The following AGPS variants were observed in gnomAD, a reference collection of about 807,000 sequenced individuals.
The protein encoded by AGPS is alkyldihydroxyacetonephosphate synthase, peroxisomal.
In AGPS, 26 loss-of-function variants were observed where a neutral mutation model predicts 90.7. The observed-to-expected ratio is 0.29, with a 90% confidence interval of 0.21 to 0.40. The LOEUF is 0.40. AGPS is among the 10% of genes least tolerant of loss of function. AGPS has a pLI of 1.00. For missense variants in AGPS, 540 were observed against 816.1 expected (o/e 0.66, Z 4.12); for synonymous variants, 294 against 285.3 (o/e 1.03, Z -0.31).
At chr2:177,499,538 G>A in intron 13 of AGPS, 80 bp from the exon 14 acceptor site, 2 of 990,282 alleles carry the variant, frequency 2.0e-6, no homozygotes, top group Non-Finnish European at 3.1e-6. Context: ...AGATCAGAAG[G>A]AAAAGAGCAA....
intron 2 of AGPS, among the ~76,000 whole-genome samples, chr2:177,426,913 T>C (rs57273542): frequency 0.11 from 17,014 of 152,126 alleles, 1,219 homozygotes; most frequent in East Asian, 0.34. Context: ...GTCCCTCCTT[T>C]TCAATTTAGT....
chr2:177,400,872 A>G (rs765156460), intron 1 of AGPS, among the ~76,000 whole-genome samples: 25 of 152,188 alleles, frequency 1.6e-4, no homozygotes, highest in Non-Finnish European at 3.2e-4. Context: ...TCCAACTCAG[A>G]TTGATTACCT....
At position 177,538,137 on chromosome 2, in the gene AGPS, A is replaced by G; in HGVS notation, c.1919A>G (p.Lys640Arg). 6.2e-7 allele frequency: 1 copy of G among 1,613,126 alleles called. No homozygotes were observed. The highest frequency in any genetic ancestry group is 8.5e-7 in the Non-Finnish European group (1 of 1,179,274). The change falls in exon 20 of 20, where the codon AAG (lysine) becomes AGG (arginine). Residue 640 changes from lysine to arginine, a missense_variant. Lys to Arg is a conservative substitution (Grantham distance 26). Around this residue, in one of 2 missense-constraint regions of AGPS, gnomAD observed 405 missense variants for 692.1 expected, o/e 0.59. Transcript: ENST00000264167. The part of the protein sequence containing the change: ...SISDVGFGML[K>R]SVKEYVDPNN... ...TCTGATGTCGGCTTTGGGATGCTGAAGTCTGTCAAGGAATATGTGGACCCC... is the reference window on the plus strand; with the variant it reads ...TCTGATGTCGGCTTTGGGATGCTGAGGTCTGTCAAGGAATATGTGGACCCC...
intron 8 of AGPS, among the ~76,000 whole-genome samples, chr2:177,450,007 T>A (rs1405107826): frequency 6.6e-6 from 1 of 152,000 alleles, no homozygotes; most frequent in African/African-American, 2.4e-5. Flanking sequence ...CTGGCTAATT[T>A]TTTGTATTTT....
intron 12 of AGPS, among the ~76,000 whole-genome samples, chr2:177,493,451 TAAAG>T (rs1288643113): frequency 6.6e-6 from 1 of 152,230 alleles, no homozygotes; most frequent in Non-Finnish European, 1.5e-5. Context: ...TGCTTGAGGA[TAAAG>T]AGTCAGAAAA....
chr2:177,509,851 A>G (rs551135510), intron 16 of AGPS, among the ~76,000 whole-genome samples: 93 of 152,320 alleles, frequency 6.1e-4, no homozygotes, highest in African/African-American at 2.2e-3. Context: ...TGGAGAAACC[A>G]GTAAGGCAGA....
intron 2 of AGPS, among the ~76,000 whole-genome samples, chr2:177,430,343 C>T (rs1457765572): frequency 6.6e-6 from 1 of 152,190 alleles, no homozygotes; most frequent in African/African-American, 2.4e-5. Flanking sequence ...TTCAGTCCCC[C>T]TCCTAGGGGA....
At chr2:177,481,245 T>C (rs988096810) in intron 10 of AGPS, among the ~76,000 whole-genome samples, 2 of 152,068 alleles carry the variant, frequency 1.3e-5, no homozygotes, top group Non-Finnish European at 2.9e-5. Flanking sequence ...TTTCTAATAT[T>C]TGTACATCAG....
chr2:177,492,743 G>A (rs1249865569), intron 11 of AGPS, among the ~76,000 whole-genome samples: 1 of 152,126 alleles, frequency 6.6e-6, no homozygotes, highest in Admixed American at 6.6e-5. Flanking sequence ...ATAAAATACA[G>A]TATAGTTCAT....
At chr2:177,440,697 G>A (rs1686576790) in intron 5 of AGPS, among the ~76,000 whole-genome samples, 1 of 152,062 alleles carries the variant, frequency 6.6e-6, no homozygotes, top group Non-Finnish European at 1.5e-5. Context: ...TTTGAAATTG[G>A]ACTGTAGCTA....
At chr2:177,431,253 G>A (rs188937527) in intron 2 of AGPS, among the ~76,000 whole-genome samples, 1 of 152,130 alleles carries the variant, frequency 6.6e-6, no homozygotes, top group African/African-American at 2.4e-5. Flanking sequence ...AGGGGAGGGG[G>A]TGTACAAACA....
intron 17 of AGPS, 60 bp downstream of exon 17, chr2:177,513,968 A>AG (rs879093772): frequency 4.0e-5 from 51 of 1,261,502 alleles, no homozygotes; most frequent in East Asian, 7.0e-5. Context: ...TTTTTAATCA[A>AG]GGGGGGGAAT....
intron 14 of AGPS, among the ~76,000 whole-genome samples, 196 bp downstream of exon 14, chr2:177,499,926 C>A (rs1688512044): frequency 6.6e-6 from 1 of 151,632 alleles, no homozygotes; most frequent in African/African-American, 2.4e-5. Context: ...TGGTTTACAT[C>A]CAGAATTTTT....
chr2:177,456,454 G>T (rs1405413433), intron 8 of AGPS, among the ~76,000 whole-genome samples: 1 of 152,058 alleles, frequency 6.6e-6, no homozygotes, highest in African/African-American at 2.4e-5. Flanking sequence ...AGGGATTTTT[G>T]TTTGTTTTCT....
intron 12 of AGPS, among the ~76,000 whole-genome samples, chr2:177,497,266 A>AG (rs1688437781): frequency 6.6e-6 from 1 of 151,930 alleles, no homozygotes; most frequent in South Asian, 2.1e-4. Context: ...TTAACTCCAT[A>AG]TTTGGATAGT....
At chr2:177,527,652 G>A (rs1399292055) in intron 19 of AGPS, among the ~76,000 whole-genome samples, 2 of 152,074 alleles carry the variant, frequency 1.3e-5, no homozygotes, top group Admixed American at 1.3e-4. Flanking sequence ...ACAAATGGCG[G>A]TCATATCATG....
At chr2:177,460,525 A>T (rs1687261180) in intron 8 of AGPS, among the ~76,000 whole-genome samples, 1 of 152,252 alleles carries the variant, frequency 6.6e-6, no homozygotes, top group South Asian at 2.1e-4. Context: ...TTGTTTTGTC[A>T]TGACAGTATG....
At chr2:177,456,885 A>G (rs568475127) in intron 8 of AGPS, among the ~76,000 whole-genome samples, 18 of 152,300 alleles carry the variant, frequency 1.2e-4, no homozygotes, top group Non-Finnish European at 2.5e-4. Context: ...TCAACAGAAT[A>G]TGTATTCTTC....
chr2:177,434,362 A>G lies in AGPS; in HGVS notation c.386A>G (p.Lys129Arg), dbSNP rs1361828042. ...AGTGGCATGGGTTTACCAACATTTA[A>G]AGAATGGATCCAAAATACCCTTGGA... ...PLSGMGLPTF[K>R]EWIQNTLGVN... The change falls in exon 3 of 20, where the codon AAA (lysine) becomes AGA (arginine). Residue 129 changes from lysine (K) to arginine (R), a missense_variant. Coordinates refer to ENST00000264167, the MANE Select transcript of AGPS (RefSeq NM_003659.4). 6.2e-7 allele frequency: 1 copy of G among 1,613,328 alleles called. No individual in the cohort carries two copies. Among genetic ancestry groups the G allele is most frequent in the Admixed American group, 1.7e-5 (1 of 60,018 alleles).
Sources: gnomAD v4.1 joint callset for allele counts (sites outside exome capture counted in the v4.1 genomes callset) on GRCh38, gnomAD v4.1.1 for gene constraint, gnomAD v4.1.1 regional missense constraint, MANE v1.5 for transcripts, NCBI Gene and HGNC (gene_info 2026-07-23, HGNC 2026-07-21) for gene names.